The following KLHL26 variants were observed in gnomAD, a reference collection of about 807,000 sequenced individuals.
KLHL26 encodes the protein kelch like family member 26, also known as kelch-like protein 26.
A neutral mutation model predicts 7.1 loss-of-function variants in KLHL26; 4 were observed. The observed-to-expected ratio is 0.56, with a 90% CI of 0.28 to 1.28. The LOEUF is 1.28. Ranked by LOEUF, KLHL26 falls within the 50% of genes most tolerant of loss-of-function variation. KLHL26 has a pLI of 0.11. For missense variants in KLHL26, 896 were observed against 924.6 expected, an observed-to-expected ratio of 0.97 and a Z score of 0.40; for synonymous variants, 465 against 414.1, an observed-to-expected ratio of 1.12 and a Z score of -1.49.
At chr19:18,667,200 G>A (rs1222683574) in intron 2 of KLHL26, among the ~76,000 whole-genome samples, 1 of 146,690 alleles carries the variant, frequency 6.8e-6, no homozygotes, top group East Asian at 2.0e-4. Context: ...CACTCTTATT[G>A]TCCAGGCTGC....
At chr19:18,661,599 G>T (rs2145403244) in intron 1 of KLHL26, among the ~76,000 whole-genome samples, 1 of 152,196 alleles carries the variant, frequency 6.6e-6, no homozygotes, top group African/African-American at 2.4e-5. Context: ...CATCTATAGG[G>T]CAGCCCTCAC....
chr19:18,664,666 C>G (rs2052428818), intron 2 of KLHL26, among the ~76,000 whole-genome samples: 1 of 151,964 alleles, frequency 6.6e-6, no homozygotes, highest in Non-Finnish European at 1.5e-5. Context: ...ACTGCAACCT[C>G]CGCCTCCTGG....
chr19:18,657,922 C>T (rs371169407), intron 1 of KLHL26, among the ~76,000 whole-genome samples: 44 of 152,246 alleles, frequency 2.9e-4, no homozygotes, highest in East Asian at 1.5e-3. Flanking sequence ...CATGAGGTGC[C>T]GGAACCCAGC....
intron 2 of KLHL26, among the ~76,000 whole-genome samples, chr19:18,664,748 A>T (rs1052344694): frequency 1.3e-5 from 2 of 151,026 alleles, no homozygotes; most frequent in African/African-American, 2.4e-5. Flanking sequence ...TGCCCAGCTA[A>T]TTTTTTTTGT....
intron 1 of KLHL26, among the ~76,000 whole-genome samples, chr19:18,640,409 T>G (rs1976692565): frequency 6.6e-6 from 1 of 152,000 alleles, no homozygotes; most frequent in African/African-American, 2.4e-5. Flanking sequence ...ACCCAGCTAT[T>G]TTTTCTGTGC....
rs942075695 is a variant in KLHL26, at chr19:18,646,894, A to G, written c.83+9757A>G. 1.3e-5 allele frequency among the ~76,000 whole-genome samples: 2 copies of G among 150,596 alleles called. No individual in the cohort carries two copies. Among genetic ancestry groups the G allele is most frequent in the African/African-American group, 2.4e-5 (1 of 40,886 alleles). ...GGCAGCGAGAGAGTAGAGCACGTCC[A>G]GCGTGAGCTGGAGAGGGCAGGTTCC... On this transcript the variant is annotated intron_variant, in intron 1 of 2. Coordinates refer to ENST00000300976, the MANE Select transcript of KLHL26 (RefSeq NM_018316.3). The surrounding 1 kb of genome is among the most constrained non-coding windows in gnomAD (Gnocchi z 5.0).
intron 1 of KLHL26, among the ~76,000 whole-genome samples, chr19:18,653,530 C>T (rs1192604446): frequency 1.6e-5 from 2 of 123,126 alleles, no homozygotes; most frequent in Non-Finnish European, 3.5e-5. Context: ...TCCATCCACC[C>T]ATCCACCCAC....
In KLHL26 at chr19:18,668,333, C is replaced by T; in HGVS notation, c.936C>T (p.Val312=). The T allele has an allele frequency of 6.2e-7, 1 of 1,609,236 alleles. No individual in the cohort carries two copies. The highest frequency in any genetic ancestry group is 1.1e-5 in the South Asian group (1 of 91,018). Residue 312 remains valine, a synonymous_variant, in exon 3 of 3, where the codon GTC becomes GTT. Transcript: ENST00000300976. The stretch of plus-strand genomic sequence containing the variant: ...TGCGCTCGGATGTGCCCTCGCTCGT[C>T]ACCTTCGGCGGCACGCCCTACACCG... ...TAVRSDVPSL[V]TFGGTPYTDS...
rs369035960 is a variant in KLHL26, at chr19:18,668,707, G to A, written c.1310G>A (p.Arg437His). Residue 437 changes from arginine to histidine, a missense_variant, in exon 3 of 3, where the codon CGC becomes CAC. Arg to His is a conservative substitution (Grantham distance 29, BLOSUM62 0). Transcript: ENST00000300976. ...TCCGTGGAGCGGTACTGCCCCCGGC[G>A]CAATGAGTGGGGCTACGCCTGCTCG... ...LASVERYCPR[R>H]NEWGYACSLK... 6 of 1,571,802 alleles carry A rather than the reference G, an allele frequency of 3.8e-6. No homozygotes were observed. The highest frequency in any genetic ancestry group is 5.2e-6 in the Non-Finnish European group (6 of 1,163,456).
At position 18,650,203 on chromosome 19, in the gene KLHL26, G is replaced by C. The variant is rs545411371; in HGVS notation, c.83+13066G>C. On this transcript the variant is annotated intron_variant, in intron 1 of 2. Coordinates refer to ENST00000300976, the MANE Select transcript of KLHL26 (RefSeq NM_018316.3). This position sits in a 1 kb window ranked among gnomAD's most constrained non-coding sequence, Gnocchi z 4.2. The stretch of plus-strand genomic sequence containing the variant: ...ACGGACCCGGGCGGGAGCGGTCTGG[G>C]CTGGATATCCGGAGAGTTCTGCTCT... Among the ~76,000 whole-genome samples, 3 of 142,518 alleles carry C rather than the reference G, an allele frequency of 2.1e-5. No homozygotes were observed. Among genetic ancestry groups the C allele is most frequent in the Non-Finnish European group, 1.6e-5 (1 of 61,314 alleles). 93.5% of individuals were successfully genotyped at this position (142,518 alleles called of 152,430 possible).
At chr19:18,651,486 C>G (rs2052255847) in intron 1 of KLHL26, among the ~76,000 whole-genome samples, 1 of 152,256 alleles carries the variant, frequency 6.6e-6, no homozygotes, top group African/African-American at 2.4e-5. Context: ...CAGAGGAGAA[C>G]AGGGGGCCCT....
intron 1 of KLHL26, among the ~76,000 whole-genome samples, chr19:18,663,619 G>A (rs912733099): frequency 6.6e-6 from 1 of 152,286 alleles, no homozygotes; most frequent in Non-Finnish European, 1.5e-5. Flanking sequence ...GGGGGTGGGG[G>A]TCTTAGAGGG....
chr19:18,640,505 AG>A (rs1253491399), intron 1 of KLHL26, among the ~76,000 whole-genome samples: 7 of 150,528 alleles, frequency 4.7e-5, no homozygotes, highest in Non-Finnish European at 1.0e-4. Flanking sequence ...TGCCTCCCAA[AG>A]TGCTGGGATT....
rs1330029220 is a variant in KLHL26 at position 18,671,578 on chromosome 19, A to G, written c.*2333A>G. On this transcript the variant is annotated 3_prime_UTR_variant, in exon 3 of 3. Coordinates refer to ENST00000300976, the MANE Select transcript of KLHL26 (RefSeq NM_018316.3). ...CTGTATCTAACCGGATCGATTGTGC[A>G]TAACCGTCTAGGCCGGTTCGTGGAA... 1.3e-5 allele frequency: 2 copies of G among 152,274 alleles called. No individual in the cohort carries two copies. The highest frequency in any genetic ancestry group is 1.9e-4 in the East Asian group (1 of 5,192). 9.4% of individuals were successfully genotyped at this position (152,274 alleles called of 1,614,324 possible).
At chr19:18,639,632 A>G (rs71332133) in intron 1 of KLHL26, among the ~76,000 whole-genome samples, 55,770 of 150,988 alleles carry the variant, frequency 0.37, 10,755 homozygotes, top group East Asian at 0.51. Flanking sequence ...GTGATCTTGA[A>G]CTGCTGACCT....
intron 1 of KLHL26, among the ~76,000 whole-genome samples, chr19:18,662,481 C>G (rs1373193480): frequency 6.6e-6 from 1 of 152,222 alleles, no homozygotes; most frequent in Non-Finnish European, 1.5e-5. Context: ...ATTTACGCAG[C>G]ATCCCTGCAT....
At chr19:18,660,185 C>T (rs1459300170) in intron 1 of KLHL26, among the ~76,000 whole-genome samples, 2 of 152,190 alleles carry the variant, frequency 1.3e-5, no homozygotes, top group Non-Finnish European at 2.9e-5. Context: ...GTGGTGTTGC[C>T]AGGGCAGACC....
intron 1 of KLHL26, among the ~76,000 whole-genome samples, chr19:18,655,440 G>A (rs1468496245): frequency 6.6e-6 from 1 of 152,210 alleles, no homozygotes; most frequent in Non-Finnish European, 1.5e-5. Flanking sequence ...GGCCTCCTTT[G>A]GCCAAGCCTG....
intron 1 of KLHL26, among the ~76,000 whole-genome samples, chr19:18,639,947 C>G (rs576228685): frequency 6.6e-6 from 1 of 151,986 alleles, no homozygotes; most frequent in East Asian, 1.9e-4. Context: ...GGTTTCTTTC[C>G]TTAACATAAT....
Sources: allele counts gnomAD v4.1 joint callset (sites outside exome capture counted in the v4.1 genomes callset), GRCh38; gene constraint gnomAD v4.1.1; non-coding constraint Gnocchi (gnomAD v3.1); transcripts MANE v1.5; gene names NCBI Gene and HGNC (gene_info 2026-07-23, HGNC 2026-07-21).